The following SCD5 variants were observed in gnomAD, a reference collection of about 807,000 sequenced individuals.
SCD5 encodes stearoyl-CoA desaturase 5.
In SCD5, 20 loss-of-function variants were observed where a neutral mutation model predicts 30.4. That is an observed-to-expected ratio of 0.66 (90% CI 0.46 to 0.96). The LOEUF is 0.96. Ranked by LOEUF, SCD5 falls within the 40% of genes least tolerant of loss-of-function variation. The pLI, the probability that SCD5 is intolerant of heterozygous loss-of-function variation, is 0.00. For synonymous variants in SCD5, 173 were observed against 176.4 expected (o/e 0.98, Z 0.16); for missense variants, 381 against 443.3 (o/e 0.86, Z 1.26).
intron 1 of SCD5, among the ~76,000 whole-genome samples, chr4:82,757,785 G>C (rs938033739): frequency 7.2e-5 from 11 of 152,196 alleles, no homozygotes; most frequent in Non-Finnish European, 1.5e-4. Flanking sequence ...ATGGTCCTTA[G>C]CTTTGTACCT....
At chr4:82,716,615 A>T (rs1477800905) in intron 1 of SCD5, among the ~76,000 whole-genome samples, 1 of 151,714 alleles carries the variant, frequency 6.6e-6, no homozygotes, top group East Asian at 1.9e-4. Context: ...GGAGTTCGAG[A>T]CCAGCCTGGC....
chr4:82,720,756 C>T lies in SCD5; in HGVS notation c.233-15343G>A, dbSNP rs536420515. Among the ~76,000 whole-genome samples, 14 of 152,266 alleles carry T rather than the reference C, an allele frequency of 9.2e-5. No homozygotes were observed. The South Asian group carries it at 2.9e-3, about 32-fold the overall frequency. On this transcript the variant is annotated intron_variant, in intron 1 of 4. Transcript: ENST00000319540. The stretch of plus-strand genomic sequence containing the variant: ...GCATTGCCCTACCTGGGAAGCTGCA[C>T]AGCCCAAGGCTTGCCTCCTCCCTGG...
intron 1 of SCD5, among the ~76,000 whole-genome samples, chr4:82,733,483 G>C (rs1377349516): frequency 1.3e-5 from 2 of 152,158 alleles, no homozygotes. Flanking sequence ...TACCTCATAG[G>C]GTGGTTGTGA....
At chr4:82,771,190 T>C (rs192567692) in intron 1 of SCD5, among the ~76,000 whole-genome samples, 24 of 152,238 alleles carry the variant, frequency 1.6e-4, no homozygotes, top group African/African-American at 5.3e-4. Context: ...ACTGGTCTCA[T>C]ACTCCTGGGT....
At chr4:82,779,934 A>G (rs956615501) in intron 1 of SCD5, among the ~76,000 whole-genome samples, 3 of 152,206 alleles carry the variant, frequency 2.0e-5, no homozygotes, top group Admixed American at 2.0e-4. Context: ...TCACTGGGTC[A>G]AGTTTTCTCT....
At chr4:82,697,181 C>T (rs1240903427) in intron 2 of SCD5, among the ~76,000 whole-genome samples, 2 of 152,218 alleles carry the variant, frequency 1.3e-5, no homozygotes, top group South Asian at 4.1e-4. Flanking sequence ...TCCCAATTGA[C>T]AGGACTGCAT....
At chr4:82,747,071 C>CCCCG (rs1553918957) in intron 1 of SCD5, among the ~76,000 whole-genome samples, 1 of 103,102 alleles carries the variant, frequency 9.7e-6, no homozygotes, top group Non-Finnish European at 2.1e-5. Context: ...GGCAACCTGC[C>CCCCG]CCCCAAGAAA....
chr4:82,730,058 AGT>A (rs1359807063), intron 1 of SCD5, among the ~76,000 whole-genome samples: 3 of 151,984 alleles, frequency 2.0e-5, no homozygotes, highest in Non-Finnish European at 4.4e-5. Flanking sequence ...CTCATCTCTG[AGT>A]GCCCCCATGT....
chr4:82,660,828 C>T, intron 3 of SCD5: 1 of 1,612,942 alleles, frequency 6.2e-7, no homozygotes, highest in East Asian at 2.2e-5. Flanking sequence ...GTCTGTTATT[C>T]TATACGTTAT....
Position 82,718,739 on chromosome 4 carries a change from CCA to C in SCD5, c.233-13328_233-13327del, listed in dbSNP as rs1200574928. ...GGCAGCCTGACCTAGTTCACAAACT[CCA>C]GTTTCAAGAGGTTTCTTCACACATT... is the stretch of plus-strand genomic sequence containing the variant. On this transcript the variant is annotated intron_variant, in intron 1 of 4. Transcript: ENST00000319540. 2.6e-5 allele frequency among the ~76,000 whole-genome samples: 4 copies of C among 151,822 alleles called. No homozygotes were observed. The East Asian group carries it at 7.7e-4, about 29-fold the overall frequency.
intron 1 of SCD5, among the ~76,000 whole-genome samples, chr4:82,761,632 A>G (rs560187770): frequency 2.0e-5 from 3 of 151,890 alleles, no homozygotes; most frequent in African/African-American, 7.3e-5. Flanking sequence ...CACATTGTGC[A>G]GGTTAGTTAC....
chr4:82,690,857 CA>C (rs1422922351), intron 2 of SCD5, among the ~76,000 whole-genome samples: 3 of 151,992 alleles, frequency 2.0e-5, no homozygotes, highest in Non-Finnish European at 4.4e-5. Context: ...GCTGTGTCCT[CA>C]AAGAGTTTAT....
At chr4:82,752,827 G>A (rs891926959) in intron 1 of SCD5, among the ~76,000 whole-genome samples, 2 of 152,020 alleles carry the variant, frequency 1.3e-5, no homozygotes, top group Non-Finnish European at 2.9e-5. Context: ...GTTGAAAATG[G>A]ATACAAATTG....
intron 3 of SCD5, among the ~76,000 whole-genome samples, chr4:82,675,804 C>T (rs1728424273): frequency 6.6e-6 from 1 of 152,154 alleles, no homozygotes; most frequent in Non-Finnish European, 1.5e-5. Context: ...GAGAGGCTAC[C>T]CACTTGGTTC....
chr4:82,684,963 G>A (rs1349317770), intron 2 of SCD5, among the ~76,000 whole-genome samples: 1 of 152,182 alleles, frequency 6.6e-6, no homozygotes, highest in Non-Finnish European at 1.5e-5. Context: ...GAACTCAGCA[G>A]TAATTCCTGA....
At chr4:82,789,303 A>T (rs77381980) in intron 1 of SCD5, among the ~76,000 whole-genome samples, 2,514 of 152,336 alleles carry the variant, frequency 0.017, 26 homozygotes, top group Non-Finnish European at 0.022. Context: ...AAAATAAGCT[A>T]CAAGGAGTCA....
intron 1 of SCD5, among the ~76,000 whole-genome samples, chr4:82,735,889 C>T (rs1010494535): frequency 2.0e-5 from 3 of 152,316 alleles, no homozygotes; most frequent in Non-Finnish European, 2.9e-5. Context: ...CATTATCCAT[C>T]GTTTCACTTA....
intron 1 of SCD5, among the ~76,000 whole-genome samples, chr4:82,762,504 A>C (rs1314019715): frequency 6.6e-6 from 1 of 152,182 alleles, no homozygotes; most frequent in Non-Finnish European, 1.5e-5. Context: ...CGGCCTCCCA[A>C]AGTGCTGGGA....
rs1297140718 is a variant in SCD5 at position 82,629,746 on chromosome 4, A to G, written c.*1581T>C. On this transcript the variant is annotated 3_prime_UTR_variant, in exon 5 of 5. Transcript: ENST00000319540. ...TTCAAAGTGCTCCAATACTAACACT[A>G]TAAGCCCTTTCTTTTGCTCTAACAT... 6.6e-6 allele frequency: 1 copy of G among 152,222 alleles called. No individual in the cohort carries two copies. Among genetic ancestry groups the G allele is most frequent in the Non-Finnish European group, 1.5e-5 (1 of 68,038 alleles). 9.4% of individuals were successfully genotyped at this position (152,222 alleles called of 1,614,324 possible). A position where few individuals can be genotyped will look rare whatever the true frequency, so the allele number is the denominator to read the frequency against.
Sources: allele counts gnomAD v4.1 joint callset (sites outside exome capture counted in the v4.1 genomes callset), GRCh38; gene constraint gnomAD v4.1.1; transcripts MANE v1.5; gene names NCBI Gene and HGNC (gene_info 2026-07-23, HGNC 2026-07-21).